Variants in RIMS2 observed in about 807,000 individuals in gnomAD.
RIMS2 encodes the protein regulating synaptic membrane exocytosis protein 2.
RIMS2 carries 59 observed loss-of-function variants against 174.4 expected under a neutral mutation model. That is an observed-to-expected ratio of 0.34 (90% CI 0.27 to 0.42). RIMS2 has a LOEUF of 0.42. Among genes scored for constraint, RIMS2 ranks in the 10% least tolerant of loss-of-function variants. The probability of loss-of-function intolerance (pLI) is 1.00; values close to 1 mark genes in which losing one functional copy is unlikely to be tolerated. For synonymous variants in RIMS2, 606 were observed against 572.5 expected, an observed-to-expected ratio of 1.06 and a Z score of -0.84; for missense variants, 1,620 against 1,666.3, an observed-to-expected ratio of 0.97 and a Z score of 0.48.
At position 103,564,972 on chromosome 8, in the gene RIMS2, A is replaced by G. The variant is rs551224557; in HGVS notation, c.176+63910A>G. Among the ~76,000 whole-genome samples the G allele has an allele frequency of 2.0e-5, 3 of 152,316 alleles. No homozygotes were observed. The East Asian group carries it at 5.8e-4, about 29-fold the overall frequency. Reference sequence around the variant, plus strand: ...GGAGAGAGAGACTAAACGTTATATGACACAGCTCTATCTTCAGCTTTTTAA... The same window carrying G: ...GGAGAGAGAGACTAAACGTTATATGGCACAGCTCTATCTTCAGCTTTTTAA... On this transcript the variant is annotated intron_variant, in intron 1 of 23. Coordinates refer to ENST00000504942, the Ensembl canonical transcript of RIMS2.
At chr8:103,958,598 T>A (rs1253638860) in intron 14 of RIMS2, among the ~76,000 whole-genome samples, 1 of 152,116 alleles carries the variant, frequency 6.6e-6, no homozygotes, top group Admixed American at 6.6e-5. Flanking sequence ...AAAATGCTAT[T>A]CATAAAGAAA....
chr8:104,191,760 T>G (rs2098998918), intron 19 of RIMS2, among the ~76,000 whole-genome samples: 2 of 151,940 alleles, frequency 1.3e-5, no homozygotes, highest in Non-Finnish European at 1.5e-5. Context: ...CAAAATTCTT[T>G]TATTATTATT....
In RIMS2 at chr8:103,886,270, T is replaced by G. The variant is rs752590865; in HGVS notation, c.1624+47T>G. The stretch of plus-strand genomic sequence containing the variant: ...TTTGCTGTAATTGATTAGATAAGCG[T>G]TTTTTTTAATAGATTGCATTTCTGA... On this transcript the variant is annotated intron_variant, in intron 4 of 23. Coordinates refer to ENST00000504942, the Ensembl canonical transcript of RIMS2. The G allele has an allele frequency of 7.5e-6, 11 of 1,460,416 alleles. No homozygotes were observed. The South Asian group carries it at 9.5e-5, about 13-fold the overall frequency. The allele number at this position is 1,460,416 out of a possible 1,614,324, so 90.5% of individuals were successfully genotyped here.
At chr8:104,141,413 A>G (rs1187462822) in intron 19 of RIMS2, among the ~76,000 whole-genome samples, 1 of 152,168 alleles carries the variant, frequency 6.6e-6, no homozygotes, top group African/African-American at 2.4e-5. Flanking sequence ...GTTTCCTTAA[A>G]GATTTAGCCT....
chr8:103,605,639 T>C (rs1588816555), intron 1 of RIMS2, among the ~76,000 whole-genome samples: 1 of 152,082 alleles, frequency 6.6e-6, no homozygotes, highest in Non-Finnish European at 1.5e-5. Context: ...CTGGACTCTT[T>C]TTGGTTGGTA....
At position 104,251,255 on chromosome 8, in the gene RIMS2, T is replaced by C. The variant is rs567795749; in HGVS notation, c.3831+92T>C. The C allele has an allele frequency of 2.7e-4, 299 of 1,112,058 alleles. 1 individual carries two copies. In the Middle Eastern group the frequency reaches 2.9e-3, roughly 11 times the overall value. The allele number at this position is 1,112,058 out of a possible 1,614,324, so 68.9% of individuals were successfully genotyped here. A position where few individuals can be genotyped will look rare whatever the true frequency, so the allele number is the denominator to read the frequency against. ...AAATCTTTTCTGTTGTATTCTTTTA[T>C]GTTCCTCACAAAGGAAATTCTTTGG... On this transcript the variant is annotated intron_variant, in intron 23 of 23. Coordinates refer to ENST00000504942, the Ensembl canonical transcript of RIMS2.
intron 1 of RIMS2, among the ~76,000 whole-genome samples, chr8:103,618,385 T>C (rs1268782273): frequency 1.3e-5 from 2 of 151,854 alleles, no homozygotes; most frequent in African/African-American, 4.8e-5. Flanking sequence ...CCTCAGGAAA[T>C]GGGTTGAGGA....
chr8:104,102,749 T>C (rs959840386), intron 19 of RIMS2, among the ~76,000 whole-genome samples: 1 of 151,968 alleles, frequency 6.6e-6, no homozygotes, highest in Non-Finnish European at 1.5e-5. Context: ...AACCATCAGA[T>C]CTCATGAGAT....
At chr8:103,858,854 C>T (rs1432121860) in intron 3 of RIMS2, among the ~76,000 whole-genome samples, 1 of 151,762 alleles carries the variant, frequency 6.6e-6, no homozygotes, top group Non-Finnish European at 1.5e-5. Flanking sequence ...TAGTCTGAGC[C>T]ATACATTTTA....
chr8:103,647,531 C>T (rs1231957299), intron 1 of RIMS2, among the ~76,000 whole-genome samples: 3 of 152,030 alleles, frequency 2.0e-5, no homozygotes, highest in Non-Finnish European at 4.4e-5. Flanking sequence ...TGGTAGAATT[C>T]AGTTGTGAAT....
intron 19 of RIMS2, among the ~76,000 whole-genome samples, chr8:104,210,493 G>A (rs1417311030): frequency 6.6e-6 from 1 of 152,142 alleles, no homozygotes; most frequent in African/African-American, 2.4e-5. Flanking sequence ...GTGTTCTCTA[G>A]GAAAATTAAA....
At chr8:104,162,256 C>A (rs1336066414) in intron 19 of RIMS2, among the ~76,000 whole-genome samples, 2 of 152,092 alleles carry the variant, frequency 1.3e-5, no homozygotes, top group Non-Finnish European at 2.9e-5. Flanking sequence ...TTATATGCAT[C>A]CTGTATGCTT....
intron 2 of RIMS2, among the ~76,000 whole-genome samples, chr8:103,744,548 C>T (rs2097790031): frequency 6.6e-6 from 1 of 152,196 alleles, no homozygotes; most frequent in Admixed American, 6.5e-5. Flanking sequence ...GTAGGATTCA[C>T]CTGCAAAACT....
chr8:103,945,830 A>G (rs540138039), intron 14 of RIMS2, among the ~76,000 whole-genome samples: 1 of 152,220 alleles, frequency 6.6e-6, no homozygotes, highest in African/African-American at 2.4e-5. Context: ...GGCATAGAAG[A>G]GAACTTTCTG....
chr8:104,083,203 T>A lies in RIMS2; in HGVS notation c.3334+68588T>A, dbSNP rs76035544. ...TCAGGCCCCTTCAGGTTTTTTAACA[T>A]TACATAGTTATTCAGGCTATTATTT... On this transcript the variant is annotated intron_variant, in intron 19 of 23. Transcript: ENST00000504942. Among the ~76,000 whole-genome samples the A allele has an allele frequency of 7.2e-3, 1,092 of 152,324 alleles. 11 individuals are homozygous for A. The highest frequency in any genetic ancestry group is 0.025 in the African/African-American group (1,029 of 41,564).
intron 1 of RIMS2, among the ~76,000 whole-genome samples, chr8:103,543,321 G>A (rs570235732): frequency 1.3e-5 from 2 of 152,146 alleles, no homozygotes; most frequent in South Asian, 4.2e-4. Flanking sequence ...TGAAAGATAA[G>A]TACACGGAAA....
rs571196778 is a variant in RIMS2 at position 103,897,179 on chromosome 8, C to A, written c.1624+10956C>A. 3.3e-5 allele frequency among the ~76,000 whole-genome samples: 5 copies of A among 151,788 alleles called. No homozygotes were observed. In the East Asian group the frequency reaches 9.7e-4, roughly 29 times the overall value. ...CTATTAATTAGCCAAGCCATTTGCC[C>A]TGCCTATGTGTTTGTATATATTCTT... On this transcript the variant is annotated intron_variant, in intron 4 of 23. Coordinates refer to ENST00000504942, the Ensembl canonical transcript of RIMS2.
At chr8:103,936,464 T>C in intron 12 of RIMS2, 87 bp from the exon 15 acceptor site, 1 of 753,530 alleles carries the variant, frequency 1.3e-6, no homozygotes, top group Non-Finnish European at 2.0e-6. Flanking sequence ...TCACCTGACT[T>C]GTCTCCTGAG....
intron 19 of RIMS2, among the ~76,000 whole-genome samples, chr8:104,173,137 A>T (rs1413677744): frequency 6.6e-6 from 1 of 152,052 alleles, no homozygotes; most frequent in East Asian, 1.9e-4. Flanking sequence ...GCCTCCTCTC[A>T]TTTTTGGTCT....
Sources: gnomAD v4.1 joint callset for allele counts (sites outside exome capture counted in the v4.1 genomes callset) on GRCh38, gnomAD v4.1.1 for gene constraint, MANE v1.5 for transcripts, NCBI Gene and HGNC (gene_info 2026-07-23, HGNC 2026-07-21) for gene names.